Variants in SLC7A2 observed in about 807,000 individuals in gnomAD.
SLC7A2 encodes cationic amino acid transporter 2.
Under a neutral mutation model 58.9 loss-of-function variants are expected in SLC7A2, and 48 were observed. The observed-to-expected ratio is 0.82, with a 90% confidence interval of 0.65 to 1.04. The LOEUF is 1.04. Ranked by LOEUF, SLC7A2 falls within the 50% of genes least tolerant of loss-of-function variation. The pLI, the probability that SLC7A2 is intolerant of heterozygous loss-of-function variation, is 0.00. For missense variants in SLC7A2, 1,029 were observed against 818.8 expected, an observed-to-expected ratio of 1.26 and a Z score of -3.13; for synonymous variants, 363 against 314.5, an observed-to-expected ratio of 1.15 and a Z score of -1.63.
At chr8:17,563,938 G>T (rs910900204) in intron 12 of SLC7A2, among the ~76,000 whole-genome samples, 2 of 151,966 alleles carry the variant, frequency 1.3e-5, no homozygotes, top group African/African-American at 4.8e-5. Context: ...CTACTTATGG[G>T]TGAAAAAAAT....
chr8:17,547,481 C>A (rs1185637508), intron 4 of SLC7A2, among the ~76,000 whole-genome samples: 1 of 151,928 alleles, frequency 6.6e-6, no homozygotes, highest in Non-Finnish European at 1.5e-5. Context: ...ATAGAATATC[C>A]TAATAGAAAA....
chr8:17,552,938 G>A (rs1802520115), intron 7 of SLC7A2, among the ~76,000 whole-genome samples: 1 of 152,194 alleles, frequency 6.6e-6, no homozygotes, highest in Non-Finnish European at 1.5e-5. Flanking sequence ...AAGTCTTTTA[G>A]TGTAATTCAC....
At chr8:17,519,891 GCTT>G (rs1800946771) in intron 2 of SLC7A2, among the ~76,000 whole-genome samples, 3 of 152,206 alleles carry the variant, frequency 2.0e-5, no homozygotes, top group South Asian at 4.2e-4. Flanking sequence ...AGAGCACCCT[GCTT>G]CTTCTTCTGT....
chr8:17,544,524 GAGGACA>G lies in SLC7A2; in HGVS notation c.451_456del (p.Arg151_Thr152del). The G allele has an allele frequency of 6.2e-7, 1 of 1,614,060 alleles. No individual in the cohort carries two copies. Among genetic ancestry groups the G allele is most frequent in the Admixed American group, 1.7e-5 (1 of 60,018 alleles). ...TTAGCAAACAGATTGGTCAGTTTTT[GAGGACA>G]TACTTCAGAATGAATTACACTGGTC... On this transcript the variant is annotated inframe_deletion, in exon 4 of 13. Transcript: ENST00000494857.
In SLC7A2 at chr8:17,538,778, C is replaced by A. The variant is rs183408026; in HGVS notation, c.-22-4540C>A. On this transcript the variant is annotated intron_variant, in intron 2 of 12. Transcript: ENST00000494857. ...TTTAATTACTTTTTTTTCCATCAGTCCCAAAACAGAAAGAGCAGATGTCTC... is the reference window on the plus strand; with the variant it reads ...TTTAATTACTTTTTTTTCCATCAGTACCAAAACAGAAAGAGCAGATGTCTC... 3.2e-5 allele frequency: 51 copies of A among 1,611,036 alleles called. No individual in the cohort carries two copies. In the African/African-American group the frequency reaches 5.6e-4, roughly 18 times the overall value.
chr8:17,565,194 A>G lies in SLC7A2; in HGVS notation c.*48A>G. ...CATCGTCTTAGCATACATATCCTAC[A>G]CTGAGTAAACCGTAACGGGATGTCA... On this transcript the variant is annotated 3_prime_UTR_variant, in exon 13 of 13. Coordinates refer to ENST00000494857, the MANE Select transcript of SLC7A2 (RefSeq NM_001370338.1). The G allele has an allele frequency of 7.0e-7, 1 of 1,430,852 alleles. No individual in the cohort carries two copies. The highest frequency in any genetic ancestry group is 1.3e-5 in the South Asian group (1 of 77,744). The allele number at this position is 1,430,852 out of a possible 1,614,324, so 88.6% of individuals were successfully genotyped here. A position where few individuals can be genotyped will look rare whatever the true frequency, so the allele number is the denominator to read the frequency against.
chr8:17,564,950 G>T lies in SLC7A2; in HGVS notation c.1781G>T (p.Gly594Val), dbSNP rs1803194990. 1 of 1,571,704 alleles carries T rather than the reference G, an allele frequency of 6.4e-7. No individual in the cohort carries two copies. The highest frequency in any genetic ancestry group is 1.2e-5 in the South Asian group (1 of 84,586). The change falls in exon 13 of 13, where the codon GGC becomes GTC. Residue 594 changes from glycine (G) to valine (V), a missense_variant and splice_region_variant. Gly to Val is a moderately radical substitution (Grantham distance 109). Transcript: ENST00000494857. ...WVRFSIWMAIGFLIYFSYGIR... is the reference protein window; with the variant it reads ...WVRFSIWMAIVFLIYFSYGIR... ...ATTTTTTTTTTTCCTGCCCCAACAG[G>T]CTTCCTGATTTACTTTTCTTATGGC...
chr8:17,507,497 A>G (rs1800418908), intron 2 of SLC7A2, among the ~76,000 whole-genome samples: 1 of 152,166 alleles, frequency 6.6e-6, no homozygotes, highest in Non-Finnish European at 1.5e-5. Context: ...TATAGGCATA[A>G]GCCACTGTAC....
At chr8:17,552,035 TAGTC>T (rs755941858) in intron 7 of SLC7A2, 49 bp downstream of exon 7, 1 of 1,474,292 alleles carries the variant, frequency 6.8e-7, no homozygotes, top group Non-Finnish European at 9.4e-7. Context: ...CTCTACAAAG[TAGTC>T]AGTGTCTAAA....
intron 2 of SLC7A2, among the ~76,000 whole-genome samples, chr8:17,539,634 T>A (rs569181229): frequency 6.6e-4 from 100 of 152,204 alleles, no homozygotes; most frequent in African/African-American, 2.4e-3. Context: ...GGGTGTGAGT[T>A]TTGTATGGGC....
At chr8:17,535,092 T>C (rs758398057) in intron 2 of SLC7A2, among the ~76,000 whole-genome samples, 1 of 152,210 alleles carries the variant, frequency 6.6e-6, no homozygotes, top group Non-Finnish European at 1.5e-5. Context: ...TCTCAAATTC[T>C]ACGTCTGGCT....
intron 4 of SLC7A2, among the ~76,000 whole-genome samples, chr8:17,547,997 G>A (rs1802259071): frequency 6.6e-6 from 1 of 152,122 alleles, no homozygotes; most frequent in Non-Finnish European, 1.5e-5. Context: ...CTTTGTTTAT[G>A]TATTTTGTGT....
In SLC7A2 at chr8:17,567,884, G is replaced by C. The variant is rs904403261; in HGVS notation, c.*2738G>C. The stretch of plus-strand genomic sequence containing the variant: ...TGGAGAAGAGGTAGGGGCATTTGGG[G>C]ATTCCTGTTTACTTGCTGCTGCCAC... On this transcript the variant is annotated 3_prime_UTR_variant, in exon 13 of 13. Transcript: ENST00000494857. 3 of 152,152 alleles carry C rather than the reference G, an allele frequency of 2.0e-5. No individual in the cohort carries two copies. Among genetic ancestry groups the C allele is most frequent in the Non-Finnish European group, 2.9e-5 (2 of 68,036 alleles). 9.4% of individuals were successfully genotyped at this position (152,152 alleles called of 1,614,324 possible). A position where few individuals can be genotyped will look rare whatever the true frequency, so the allele number is the denominator to read the frequency against.
intron 2 of SLC7A2, among the ~76,000 whole-genome samples, chr8:17,529,690 A>G (rs1030917313): frequency 6.6e-6 from 1 of 151,996 alleles, no homozygotes; most frequent in Non-Finnish European, 1.5e-5. Context: ...GTCCACCACC[A>G]TGCCCAGCTA....
rs999462941 is a variant in SLC7A2 at position 17,568,584 on chromosome 8, A to C, written c.*3438A>C. On this transcript the variant is annotated 3_prime_UTR_variant, in exon 13 of 13. Coordinates refer to ENST00000494857, the MANE Select transcript of SLC7A2 (RefSeq NM_001370338.1). ...TTGTTTTCTTTTAATTTCTATGAAT[A>C]AAAGAAATTTTTAAAAACTTTAAAA... The C allele has an allele frequency of 2.0e-5, 3 of 152,152 alleles. No homozygotes were observed. The highest frequency in any genetic ancestry group is 4.4e-5 in the Non-Finnish European group (3 of 68,028). 9.4% of individuals were successfully genotyped at this position (152,152 alleles called of 1,614,324 possible). A position where few individuals can be genotyped will look rare whatever the true frequency, so the allele number is the denominator to read the frequency against.
At chr8:17,526,155 T>C (rs2150700855) in intron 2 of SLC7A2, among the ~76,000 whole-genome samples, 1 of 152,302 alleles carries the variant, frequency 6.6e-6, no homozygotes, top group East Asian at 1.9e-4. Context: ...TGATAACGAA[T>C]GCTCTGAGTT....
At position 17,558,390 on chromosome 8, in the gene SLC7A2, A is replaced by C. The variant is rs544148366; in HGVS notation, c.1291A>C (p.Ile431Leu). 1 of 1,608,734 alleles carries C rather than the reference A, an allele frequency of 6.2e-7. No homozygotes were observed. The highest frequency in any genetic ancestry group is 1.7e-5 in the Admixed American group (1 of 59,848). ...CTCTCTGGTGGCAGCCTGTGTTCTC[A>C]TCCTCAGGTGAGTCACCTGGTGGTT... The part of the protein sequence containing the change: ...AYSLVAACVL[I>L]LRYQPGLSYD... Residue 431 changes from isoleucine (I) to leucine (L), a missense_variant, in exon 9 of 13, where the codon ATC (isoleucine) becomes CTC (leucine). Coordinates refer to ENST00000494857, the MANE Select transcript of SLC7A2 (RefSeq NM_001370338.1).
At position 17,556,555 on chromosome 8, in the gene SLC7A2, T is replaced by G. The variant is rs146730580; in HGVS notation, c.1196-1740T>G. Among the ~76,000 whole-genome samples, 542 of 152,144 alleles carry G rather than the reference T, an allele frequency of 3.6e-3. 4 individuals are homozygous for G. Among genetic ancestry groups the G allele is most frequent in the African/African-American group, 0.012 (503 of 41,500 alleles). On this transcript the variant is annotated intron_variant, in intron 8 of 12. Transcript: ENST00000494857. The stretch of plus-strand genomic sequence containing the variant: ...TTCTCTCTTGGCTACCTTATTTGGC[T>G]CTCTGTGATTTTTAAGCATACCAAA...
At chr8:17,562,714 C>T (rs945492300) in intron 11 of SLC7A2, among the ~76,000 whole-genome samples, 5 of 152,152 alleles carry the variant, frequency 3.3e-5, no homozygotes, top group African/African-American at 9.7e-5. Flanking sequence ...GGGTATGTTC[C>T]TATCACAATA....
Sources: allele counts gnomAD v4.1 joint callset (sites outside exome capture counted in the v4.1 genomes callset), GRCh38; gene constraint gnomAD v4.1.1; transcripts MANE v1.5; gene names NCBI Gene and HGNC (gene_info 2026-07-23, HGNC 2026-07-21).